The following CDH13 variants were observed in gnomAD, a reference collection of about 807,000 sequenced individuals.
The protein encoded by CDH13 is cadherin 13.
In CDH13, 24 loss-of-function variants were observed where a neutral mutation model predicts 63.8. The ratio of observed to expected loss-of-function variants is 0.38; its 90% CI spans 0.27 to 0.53. CDH13 has a LOEUF of 0.53. CDH13 is among the 20% of genes least tolerant of loss of function. CDH13 has a pLI of 0.85. For synonymous variants in CDH13, 503 were observed against 355.3 expected (o/e 1.42, Z -4.67); for missense variants, 1,049 against 903.1 (o/e 1.16, Z -2.07).
chr16:83,751,476 C>T (rs903183843), intron 11 of CDH13, among the ~76,000 whole-genome samples: 1 of 151,952 alleles, frequency 6.6e-6, no homozygotes, highest in African/African-American at 2.4e-5. Context: ...AAAGATACAT[C>T]CTATAGCAGC....
intron 2 of CDH13, among the ~76,000 whole-genome samples, chr16:83,012,193 T>C (rs1914231908): frequency 6.6e-6 from 1 of 152,186 alleles, no homozygotes; most frequent in Non-Finnish European, 1.5e-5. Flanking sequence ...ACACAATATT[T>C]TTCTGAGTTC....
intron 3 of CDH13, among the ~76,000 whole-genome samples, chr16:83,123,368 C>G (rs548383701): frequency 6.4e-4 from 97 of 152,206 alleles, no homozygotes; most frequent in Non-Finnish European, 1.2e-3. Flanking sequence ...CAACCTCTGA[C>G]TCTTGGGTTC....
chr16:83,093,361 C>G (rs2034025366), intron 3 of CDH13, among the ~76,000 whole-genome samples: 1 of 113,738 alleles, frequency 8.8e-6, no homozygotes, highest in South Asian at 3.2e-4. Context: ...TTTGCCCCGG[C>G]TGGAGTGCCG....
intron 1 of CDH13, among the ~76,000 whole-genome samples, chr16:82,785,335 T>C (rs1567531450): frequency 6.6e-6 from 1 of 152,164 alleles, no homozygotes; most frequent in Non-Finnish European, 1.5e-5. Context: ...GGTTTATCCT[T>C]TTCCTCTGCA....
chr16:83,670,100 A>G (rs1038522343), intron 8 of CDH13, among the ~76,000 whole-genome samples: 2 of 152,214 alleles, frequency 1.3e-5, no homozygotes, highest in Admixed American at 1.3e-4. Context: ...ATTCATGTAG[A>G]TGATTTCTTA....
intron 1 of CDH13, among the ~76,000 whole-genome samples, chr16:82,673,688 G>A (rs142723877): frequency 2.6e-5 from 4 of 152,194 alleles, no homozygotes; most frequent in Non-Finnish European, 4.4e-5. Flanking sequence ...TTGAGAAATC[G>A]AGTATAGTTT....
At position 83,217,481 on chromosome 16, in the gene CDH13, T is replaced by C. The variant is rs760343666; in HGVS notation, c.620T>C (p.Val207Ala). 1 of 1,613,594 alleles carries C rather than the reference T, an allele frequency of 6.2e-7. No individual in the cohort carries two copies. Among genetic ancestry groups the C allele is most frequent in the Admixed American group, 1.7e-5 (1 of 59,996 alleles). Residue 207 changes from valine to alanine, a missense_variant, in exon 5 of 14, where the codon GTA (valine) becomes GCA (alanine). Coordinates refer to ENST00000567109, the MANE Select transcript of CDH13 (RefSeq NM_001257.5). The part of the protein sequence containing the change: ...VSVTRTLDRE[V>A]IAVYQLFVET... The stretch of plus-strand genomic sequence containing the variant: ...GTGACACGGACCTTGGACAGAGAAG[T>C]AATCGCTGTTTATCAAGTGAGTACC...
chr16:83,679,549 C>A (rs771390823), intron 10 of CDH13, among the ~76,000 whole-genome samples: 1 of 152,228 alleles, frequency 6.6e-6, no homozygotes, highest in Non-Finnish European at 1.5e-5. Context: ...GCTAAGCTTT[C>A]TGAATGCCAG....
At chr16:83,624,764 T>A (rs1272654482) in intron 8 of CDH13, among the ~76,000 whole-genome samples, 1 of 152,132 alleles carries the variant, frequency 6.6e-6, no homozygotes, top group Non-Finnish European at 1.5e-5. Context: ...GGCCTGTGGT[T>A]GACTGCACCA....
At chr16:83,607,830 T>G (rs909844977) in intron 8 of CDH13, among the ~76,000 whole-genome samples, 13 of 152,218 alleles carry the variant, frequency 8.5e-5, no homozygotes, top group Admixed American at 6.5e-5. Flanking sequence ...CTAGTTAAAC[T>G]CTTCAAATAC....
intron 8 of CDH13, among the ~76,000 whole-genome samples, chr16:83,669,834 T>G (rs1317167158): frequency 6.6e-6 from 1 of 152,082 alleles, no homozygotes; most frequent in Non-Finnish European, 1.5e-5. Flanking sequence ...TTCTTCTTTT[T>G]GTCAGCTTAT....
chr16:83,570,405 G>A (rs1230731027), intron 7 of CDH13, among the ~76,000 whole-genome samples: 1 of 152,102 alleles, frequency 6.6e-6, no homozygotes, highest in Non-Finnish European at 1.5e-5. Flanking sequence ...CCCACAAGAT[G>A]ATGTCTTCAT....
intron 5 of CDH13, among the ~76,000 whole-genome samples, chr16:83,280,590 C>G (rs1237732610): frequency 6.6e-6 from 1 of 152,214 alleles, no homozygotes; most frequent in East Asian, 1.9e-4. Flanking sequence ...CAAGAATGTT[C>G]TTAATGGCAT....
chr16:83,750,203 G>A (rs939213469), intron 11 of CDH13, among the ~76,000 whole-genome samples: 1 of 152,098 alleles, frequency 6.6e-6, no homozygotes, highest in Non-Finnish European at 1.5e-5. Flanking sequence ...GGCTGAGGCA[G>A]GAGAATCTCT....
intron 6 of CDH13, among the ~76,000 whole-genome samples, chr16:83,406,653 A>G (rs1465939733): frequency 1.3e-5 from 2 of 152,076 alleles, no homozygotes; most frequent in African/African-American, 4.8e-5. Context: ...TTTAGTAGAG[A>G]TGGGGTTTCA....
intron 2 of CDH13, among the ~76,000 whole-genome samples, chr16:82,946,387 G>A (rs759258883): frequency 1.3e-5 from 2 of 152,132 alleles, no homozygotes; most frequent in Non-Finnish European, 2.9e-5. Flanking sequence ...CAAGCACCCT[G>A]ATTAAACTTG....
intron 4 of CDH13, among the ~76,000 whole-genome samples, chr16:83,183,743 T>C (rs1002863392): frequency 1.3e-5 from 2 of 151,848 alleles, no homozygotes; most frequent in African/African-American, 4.8e-5. Flanking sequence ...GAAAAGCGAG[T>C]GGTAGTCTAG....
chr16:82,698,868 C>A (rs115366085), intron 1 of CDH13, among the ~76,000 whole-genome samples: 2,237 of 152,264 alleles, frequency 0.015, 56 homozygotes, highest in African/African-American at 0.052. Flanking sequence ...TTTGGGGCCA[C>A]GTACAGGCCC....
intron 5 of CDH13, among the ~76,000 whole-genome samples, chr16:83,323,680 C>T (rs2090292336): frequency 6.6e-6 from 1 of 152,158 alleles, no homozygotes; most frequent in South Asian, 2.1e-4. Context: ...TATTTTCTAC[C>T]TGTCTGAATA....
Sources: gnomAD v4.1 joint callset for allele counts (sites outside exome capture counted in the v4.1 genomes callset) on GRCh38, gnomAD v4.1.1 for gene constraint, MANE v1.5 for transcripts, NCBI Gene and HGNC (gene_info 2026-07-23, HGNC 2026-07-21) for gene names.